The following GRID1 variants were observed in gnomAD, a reference collection of about 807,000 sequenced individuals.
GRID1 encodes glutamate receptor ionotropic, delta-1.
Under a neutral mutation model 98.0 loss-of-function variants are expected in GRID1, and 28 were observed. The observed-to-expected ratio is 0.29, with a 90% CI of 0.21 to 0.39. The LOEUF (loss-of-function observed/expected upper bound fraction) is 0.39, where lower values mean the gene tolerates loss of function less well. Ranked by LOEUF, GRID1 falls within the 10% of genes least tolerant of loss-of-function variation. GRID1 has a pLI of 1.00. For synonymous variants in GRID1, 553 were observed against 538.5 expected, an observed-to-expected ratio of 1.03 and a Z score of -0.37; for missense variants, 1,111 against 1,340.5, an observed-to-expected ratio of 0.83 and a Z score of 2.67.
intron 3 of GRID1, among the ~76,000 whole-genome samples, chr10:86,173,604 T>C (rs578056574): frequency 7.1e-6 from 1 of 140,212 alleles, no homozygotes; most frequent in South Asian, 2.3e-4. Flanking sequence ...CTTTAAGTTT[T>C]AGGGTACATG....
intron 3 of GRID1, among the ~76,000 whole-genome samples, chr10:86,182,711 G>A (rs954232194): frequency 5.3e-5 from 8 of 152,090 alleles, no homozygotes; most frequent in African/African-American, 1.7e-4. Flanking sequence ...ATTGCATTTC[G>A]GGTCCCTGCT....
rs116818164 is a variant in GRID1 at position 85,668,169 on chromosome 10, G to A, written c.1998-20772C>T. On this transcript the variant is annotated intron_variant, in intron 12 of 15. Transcript: ENST00000327946. ...TGGGGATGCTTCCACAGGGAGGCTCGGAGAGGGATCCCAGGGAAGGAAATG... is the reference window on the plus strand; with the variant it reads ...TGGGGATGCTTCCACAGGGAGGCTCAGAGAGGGATCCCAGGGAAGGAAATG... 4.4e-3 allele frequency among the ~76,000 whole-genome samples: 663 copies of A among 152,300 alleles called. 5 individuals are homozygous for A. The highest frequency in any genetic ancestry group is 0.014 in the African/African-American group (579 of 41,554).
chr10:85,785,199 T>C (rs1842417053), intron 8 of GRID1, among the ~76,000 whole-genome samples: 1 of 152,198 alleles, frequency 6.6e-6, no homozygotes, highest in South Asian at 2.1e-4. Flanking sequence ...GGGATGGAAA[T>C]GCTTTTAAAC....
intron 4 of GRID1, among the ~76,000 whole-genome samples, chr10:85,970,725 C>G (rs1330622960): frequency 1.3e-5 from 2 of 152,068 alleles, no homozygotes; most frequent in Admixed American, 6.5e-5. Flanking sequence ...TAACATCATA[C>G]TGAATGATGA....
intron 4 of GRID1, among the ~76,000 whole-genome samples, chr10:86,045,782 G>A (rs1227408804): frequency 6.6e-6 from 1 of 152,186 alleles, no homozygotes; most frequent in Non-Finnish European, 1.5e-5. Flanking sequence ...TTGGTGTGAA[G>A]GCCGTTGTTA....
chr10:85,880,358 A>G (rs1435055417), intron 5 of GRID1, among the ~76,000 whole-genome samples: 1 of 152,226 alleles, frequency 6.6e-6, no homozygotes, highest in Non-Finnish European at 1.5e-5. Flanking sequence ...ATGAACATTG[A>G]TGCAAAAATC....
At chr10:85,819,024 T>C (rs894816951) in intron 8 of GRID1, among the ~76,000 whole-genome samples, 11 of 152,026 alleles carry the variant, frequency 7.2e-5, no homozygotes, top group Non-Finnish European at 1.5e-4. Flanking sequence ...TCCTGCACAA[T>C]AGTATTTGAT....
At chr10:85,660,362 T>C (rs1156677835) in intron 12 of GRID1, among the ~76,000 whole-genome samples, 1 of 152,194 alleles carries the variant, frequency 6.6e-6, no homozygotes, top group Non-Finnish European at 1.5e-5. Context: ...GTTTGTCCAA[T>C]GGGAGCAAAA....
At chr10:85,794,254 T>G (rs915407653) in intron 8 of GRID1, among the ~76,000 whole-genome samples, 1 of 152,240 alleles carries the variant, frequency 6.6e-6, no homozygotes, top group Non-Finnish European at 1.5e-5. Flanking sequence ...ATCCATCATT[T>G]TAGCTGCTTA....
intron 2 of GRID1, among the ~76,000 whole-genome samples, chr10:86,319,848 C>T (rs1302628584): frequency 6.6e-6 from 1 of 152,194 alleles, no homozygotes; most frequent in Admixed American, 6.5e-5. Context: ...CAAATTCCCT[C>T]CTAGGATCAG....
intron 4 of GRID1, among the ~76,000 whole-genome samples, chr10:86,049,389 C>T (rs1843468453): frequency 1.3e-5 from 2 of 152,064 alleles, no homozygotes. Context: ...TATTTTTGAC[C>T]CATAAAATTT....
intron 2 of GRID1, among the ~76,000 whole-genome samples, chr10:86,339,269 G>A (rs1848275257): frequency 6.6e-6 from 1 of 152,256 alleles, no homozygotes; most frequent in Admixed American, 6.5e-5. Flanking sequence ...TGCAAGGGAA[G>A]GCAGGGGAGG....
intron 12 of GRID1, among the ~76,000 whole-genome samples, chr10:85,701,415 T>A (rs1841450215): frequency 6.6e-6 from 1 of 151,834 alleles, no homozygotes; most frequent in Non-Finnish European, 1.5e-5. Flanking sequence ...TACACAGTGG[T>A]TTCTCTTACT....
intron 2 of GRID1, among the ~76,000 whole-genome samples, chr10:86,273,416 G>T (rs1847216453): frequency 6.8e-6 from 1 of 148,016 alleles, no homozygotes; most frequent in Admixed American, 6.8e-5. Context: ...ATAGTCCTTT[G>T]GGTATATACC....
chr10:85,629,475 C>T (rs764261492), intron 13 of GRID1, among the ~76,000 whole-genome samples: 12 of 147,638 alleles, frequency 8.1e-5, no homozygotes, highest in Admixed American at 2.1e-4. Flanking sequence ...AAAGTGAGAA[C>T]ATGTGGTATT....
chr10:85,701,488 T>A (rs892049413), intron 12 of GRID1, among the ~76,000 whole-genome samples: 2 of 151,946 alleles, frequency 1.3e-5, no homozygotes, highest in Non-Finnish European at 2.9e-5. Context: ...GGCAAAAAAC[T>A]CAAAAGAAAA....
chr10:85,954,377 T>G (rs987733971), intron 4 of GRID1, among the ~76,000 whole-genome samples: 3 of 152,230 alleles, frequency 2.0e-5, no homozygotes, highest in African/African-American at 7.2e-5. Flanking sequence ...CTTTATCCTA[T>G]GTCCTAACTA....
At chr10:85,641,413 T>C (rs1229623000) in intron 13 of GRID1, among the ~76,000 whole-genome samples, 1 of 152,172 alleles carries the variant, frequency 6.6e-6, no homozygotes, top group Non-Finnish European at 1.5e-5. Flanking sequence ...CTGCTAAACA[T>C]GGAAGTCAGG....
intron 12 of GRID1, among the ~76,000 whole-genome samples, chr10:85,674,396 C>T (rs1161067691): frequency 6.6e-6 from 1 of 152,198 alleles, no homozygotes; most frequent in Non-Finnish European, 1.5e-5. Flanking sequence ...TACCCCACTG[C>T]ACATCTCAAA....
Sources: gnomAD v4.1 joint callset for allele counts (sites outside exome capture counted in the v4.1 genomes callset) on GRCh38, gnomAD v4.1.1 for gene constraint, MANE v1.5 for transcripts, NCBI Gene and HGNC (gene_info 2026-07-23, HGNC 2026-07-21) for gene names.